The following TRPM1 variants were observed in gnomAD, a reference collection of about 807,000 sequenced individuals.
The protein encoded by TRPM1 is TRPM1-203 APA Isoform, Intron 10.
A neutral mutation model predicts 149.4 loss-of-function variants in TRPM1; 113 were observed. The observed-to-expected ratio is 0.76, with a 90% CI of 0.65 to 0.88. The LOEUF is 0.88. Among genes scored for constraint, TRPM1 ranks in the 40% least tolerant of loss-of-function variants. The pLI, the probability that TRPM1 is intolerant of heterozygous loss-of-function variation, is 0.00. For synonymous variants in TRPM1, 741 were observed against 759.5 expected (o/e 0.98, Z 0.40); for missense variants, 1,976 against 2,038.7 (o/e 0.97, Z 0.59).
At chr15:31,026,831 T>C in intron 26 of TRPM1, 84 bp downstream of exon 26, 1 of 1,426,512 alleles carries the variant, frequency 7.0e-7, no homozygotes, top group Non-Finnish European at 9.8e-7. Context: ...GAGCAAGTAG[T>C]TGAGTGAGAT....
chr15:31,064,701 A>T (rs2034321895), intron 7 of TRPM1, among the ~76,000 whole-genome samples: 1 of 152,188 alleles, frequency 6.6e-6, no homozygotes, highest in Non-Finnish European at 1.5e-5. Flanking sequence ...GAGAATTTCA[A>T]ATGAGCCATT....
At chr15:31,053,026 G>C (rs190812506) in intron 11 of TRPM1, among the ~76,000 whole-genome samples, 87 of 152,232 alleles carry the variant, frequency 5.7e-4, no homozygotes, top group African/African-American at 2.0e-3. Flanking sequence ...TATATGATAA[G>C]GGGTTCATAG....
intron 11 of TRPM1, among the ~76,000 whole-genome samples, chr15:31,059,410 T>A (rs1322112513): frequency 2.0e-5 from 3 of 152,282 alleles, no homozygotes; most frequent in South Asian, 4.1e-4. Flanking sequence ...CATTGTTTTT[T>A]GTTTTATGTT....
At chr15:31,028,720 C>G (rs1346022827) in intron 24 of TRPM1, among the ~76,000 whole-genome samples, 2 of 151,854 alleles carry the variant, frequency 1.3e-5, no homozygotes, top group African/African-American at 4.8e-5. Flanking sequence ...CCACTGTACT[C>G]CAGCCTGGGT....
chr15:31,050,618 C>T, intron 11 of TRPM1, 36 bp from the exon 12 acceptor site: 2 of 1,612,744 alleles, frequency 1.2e-6, no homozygotes, highest in Non-Finnish European at 1.7e-6. Flanking sequence ...GGAAATGGTA[C>T]TAAGGCTCTT....
At chr15:31,143,058 T>G (rs1161602713) in intron 1 of TRPM1, among the ~76,000 whole-genome samples, 1 of 152,252 alleles carries the variant, frequency 6.6e-6, no homozygotes, top group Non-Finnish European at 1.5e-5. Flanking sequence ...AGTCTGGTTG[T>G]CTGCAGTTAA....
intron 8 of TRPM1, 163 bp downstream of exon 8, chr15:31,062,955 G>T: frequency 1.9e-6 from 2 of 1,057,920 alleles, no homozygotes; most frequent in Non-Finnish European, 2.8e-6. Context: ...TGCCTCTGAT[G>T]GTTCCCCTGG....
chr15:31,084,091 G>A (rs1482641895), intron 1 of TRPM1, among the ~76,000 whole-genome samples: 1 of 152,088 alleles, frequency 6.6e-6, no homozygotes. Flanking sequence ...TTCTCTCCCA[G>A]GGGCTCTCCT....
Position 31,068,103 on chromosome 15 carries a change from G to C in TRPM1, c.280-11C>G, listed in dbSNP as rs1596035247. 1 of 1,610,512 alleles carries C rather than the reference G, an allele frequency of 6.2e-7. No homozygotes were observed. Among genetic ancestry groups the C allele is most frequent in the African/African-American group, 1.3e-5 (1 of 74,980 alleles). ...GGATACACGGATATACTGTGAAAGA[G>C]TGTGTGGCACTCAGCCTCTGTTCTT... On this transcript the variant is annotated splice_polypyrimidine_tract_variant and intron_variant, in intron 4 of 27. Coordinates refer to ENST00000256552, the MANE Select transcript of TRPM1 (RefSeq NM_001252024.2).
chr15:31,160,794 T>G, intron 1 of TRPM1: 4 of 1,205,032 alleles, frequency 3.3e-6, no homozygotes, highest in Non-Finnish European at 4.7e-6. Context: ...CCCAGCACAG[T>G]TTGGGAGGAC....
At chr15:31,060,718 T>A in intron 10 of TRPM1, 74 bp from the exon 11 acceptor site, 1 of 1,207,446 alleles carries the variant, frequency 8.3e-7, no homozygotes, top group Non-Finnish European at 1.2e-6. Context: ...TGCTGGGTGG[T>A]GAGCACAGGC....
chr15:31,002,742 T>C lies in TRPM1; in HGVS notation c.3958A>G (p.Arg1320Gly). 6.2e-7 allele frequency: 1 copy of C among 1,614,226 alleles called. No individual in the cohort carries two copies. Among genetic ancestry groups the C allele is most frequent in the Non-Finnish European group, 8.5e-7 (1 of 1,180,042 alleles). ...SLSTSPGTGV[R>G]KKTCSFRIKE... ...ATACGGAAGGAACAGGTTTTTTTCCTGACTCCTGTCCCTGGTGACGTGGAG... is the reference window on the plus strand; with the variant it reads ...ATACGGAAGGAACAGGTTTTTTTCCCGACTCCTGTCCCTGGTGACGTGGAG... The change falls in exon 28 of 28, where the codon AGG (arginine) becomes GGG (glycine). Residue 1320 changes from arginine (R) to glycine (G), a missense_variant. Physicochemically the swap from Arg to Gly is moderately radical, Grantham distance 125. This residue lies in a region of TRPM1 where 572 missense variants were observed against 578.9 expected (regional missense o/e 0.99). Coordinates refer to ENST00000256552, the MANE Select transcript of TRPM1 (RefSeq NM_001252024.2).
rs2033594284 is a variant in TRPM1, at chr15:31,040,911, G to A, written c.2088-565C>T. On this transcript the variant is annotated intron_variant, in intron 17 of 27. Coordinates refer to ENST00000256552, the MANE Select transcript of TRPM1 (RefSeq NM_001252024.2). This position sits in a 1 kb window ranked among gnomAD's most constrained non-coding sequence, Gnocchi z 4.2. ...TTCGGATGTATGCCTTTCTCTGCCC[G>A]TGTAACACTTCACCATCACAGTGAT... is the stretch of plus-strand genomic sequence containing the variant. 6.6e-6 allele frequency among the ~76,000 whole-genome samples: 1 copy of A among 152,126 alleles called. No individual in the cohort carries two copies. The highest frequency in any genetic ancestry group is 1.5e-5 in the Non-Finnish European group (1 of 68,036).
chr15:31,088,738 G>A lies in TRPM1; in HGVS notation c.-83-7300C>T, dbSNP rs561132945. Among the ~76,000 whole-genome samples the A allele has an allele frequency of 1.2e-4, 18 of 149,680 alleles. No individual in the cohort carries two copies. In the South Asian group the frequency reaches 3.6e-3, roughly 30 times the overall value. ...GAGATTGACTGAAGCGGCGGTATTC[G>A]TCTTCCTGCTACCTGTGGGAACGTT... On this transcript the variant is annotated intron_variant, in intron 1 of 27. Coordinates refer to ENST00000256552, the MANE Select transcript of TRPM1 (RefSeq NM_001252024.2).
intron 1 of TRPM1, among the ~76,000 whole-genome samples, chr15:31,089,776 A>G (rs552687452): frequency 2.4e-4 from 37 of 152,136 alleles, no homozygotes; most frequent in African/African-American, 5.8e-4. Context: ...TTTCCTCAAC[A>G]TGGTGTCCCC....
chr15:31,136,410 C>T lies in TRPM1; in HGVS notation c.54+24496G>A, dbSNP rs2036088641. 3.3e-5 allele frequency among the ~76,000 whole-genome samples: 5 copies of T among 152,228 alleles called. No homozygotes were observed. In the South Asian group the frequency reaches 1.0e-3, roughly 32 times the overall value. ...ATTTATAATCGGAAGGCATTTGTAG[C>T]ACTTTATTGTTCAAACAAGCATCTC... On this transcript the variant is annotated intron_variant, in intron 1 of 26. Coordinates refer to the TRPM1 transcript ENST00000542188.
At chr15:31,128,553 C>T (rs563585226) in intron 1 of TRPM1, among the ~76,000 whole-genome samples, 1 of 152,304 alleles carries the variant, frequency 6.6e-6, no homozygotes, top group African/African-American at 2.4e-5. Flanking sequence ...GGTGCCACAA[C>T]CCCCTTCCTG....
At chr15:31,011,180 G>A (rs1478231123) in intron 27 of TRPM1, among the ~76,000 whole-genome samples, 1 of 152,110 alleles carries the variant, frequency 6.6e-6, no homozygotes, top group Non-Finnish European at 1.5e-5. Flanking sequence ...AATCTGAAGT[G>A]AGTCTCTGCA....
upstream of TRPM1, among the ~76,000 whole-genome samples, chr15:31,102,894 C>T (rs2035543883): frequency 6.6e-6 from 1 of 152,238 alleles, no homozygotes; most frequent in Non-Finnish European, 1.5e-5. Flanking sequence ...GCTCCCGAGT[C>T]TTCTTTCTTG....
Sources: allele counts gnomAD v4.1 joint callset (sites outside exome capture counted in the v4.1 genomes callset), GRCh38; gene constraint gnomAD v4.1.1; regional missense constraint gnomAD v4.1.1; non-coding constraint Gnocchi (gnomAD v3.1); transcripts MANE v1.5; gene names NCBI Gene and HGNC (gene_info 2026-07-23, HGNC 2026-07-21).